Variants in GPR107 observed in about 807,000 individuals in gnomAD.
GPR107 encodes the protein protein GPR107.
A neutral mutation model predicts 75.5 loss-of-function variants in GPR107; 31 were observed. The observed-to-expected ratio is 0.41, with a 90% CI of 0.31 to 0.55. The LOEUF is 0.55. GPR107 is among the 20% of genes least tolerant of loss of function. The pLI is 0.26. For missense variants in GPR107, 572 were observed against 665.7 expected (o/e 0.86, Z 1.55); for synonymous variants, 267 against 251.3 (o/e 1.06, Z -0.59).
chr9:130,096,167 T>G (rs1830862902), intron 9 of GPR107, among the ~76,000 whole-genome samples: 1 of 152,224 alleles, frequency 6.6e-6, no homozygotes, highest in Admixed American at 6.5e-5. Context: ...AGAGTGTGAA[T>G]GAGCACAGCT....
rs530137195 is a variant in GPR107 at position 130,105,689 on chromosome 9, C to T, written c.1262+1139C>T. Among the ~76,000 whole-genome samples the T allele has an allele frequency of 7.2e-5, 11 of 152,086 alleles. No individual in the cohort carries two copies. The South Asian group carries it at 1.9e-3, about 26-fold the overall frequency. ...TTCTCATTCCAGCCAGTTAGATTCA[C>T]TCTTCACCCTCATTCCATCATACAT... On this transcript the variant is annotated intron_variant, in intron 13 of 17. Transcript: ENST00000347136.
At chr9:130,079,459 AT>A (rs887946668) in intron 4 of GPR107, among the ~76,000 whole-genome samples, 170 bp from the exon 5 acceptor site, 1 of 152,232 alleles carries the variant, frequency 6.6e-6, no homozygotes, top group Non-Finnish European at 1.5e-5. Context: ...TGGGCAAGTT[AT>A]TTAACGTTTC....
At chr9:130,119,061 A>G (rs1194160139) in intron 14 of GPR107, among the ~76,000 whole-genome samples, 1 of 152,202 alleles carries the variant, frequency 6.6e-6, no homozygotes. Context: ...CCAGCCCGCC[A>G]CAGTCCGGTG....
chr9:130,057,668 T>C (rs10115815), intron 1 of GPR107, among the ~76,000 whole-genome samples: 47,760 of 151,564 alleles, frequency 0.32, 7,716 homozygotes, highest in Non-Finnish European at 0.37. Context: ...CAATTTCTGG[T>C]TCTTATTTTT....
At chr9:130,075,924 G>T (rs1184506059) in intron 2 of GPR107, among the ~76,000 whole-genome samples, 175 bp downstream of exon 2, 2 of 151,946 alleles carry the variant, frequency 1.3e-5, no homozygotes, top group Non-Finnish European at 2.9e-5. Flanking sequence ...TGGGATTACA[G>T]GCACCCACCA....
chr9:130,082,980 G>A (rs962591382), intron 5 of GPR107, among the ~76,000 whole-genome samples: 4 of 152,088 alleles, frequency 2.6e-5, no homozygotes, highest in African/African-American at 9.7e-5. Flanking sequence ...GAGTGCAGTG[G>A]TATGATCTCA....
chr9:130,124,379 T>G (rs1279764989), intron 14 of GPR107, among the ~76,000 whole-genome samples: 1 of 152,142 alleles, frequency 6.6e-6, no homozygotes, highest in East Asian at 1.9e-4. Flanking sequence ...CCAGGGAGGT[T>G]GTACTGAAAG....
intron 14 of GPR107, among the ~76,000 whole-genome samples, chr9:130,111,253 G>A (rs953250695): frequency 3.9e-5 from 6 of 152,044 alleles, no homozygotes; most frequent in Non-Finnish European, 8.8e-5. Flanking sequence ...ATTGCTTGAG[G>A]CCAGGAGTTT....
chr9:130,082,788 C>G (rs545187072), intron 5 of GPR107, among the ~76,000 whole-genome samples: 47 of 151,280 alleles, frequency 3.1e-4, no homozygotes, highest in Non-Finnish European at 5.9e-4. Flanking sequence ...CCAAGAATAT[C>G]TTAAGTGAAA....
At position 130,128,659 on chromosome 9, in the gene GPR107, C is replaced by T. The variant is rs374443869; in HGVS notation, c.1460C>T (p.Thr487Ile). 5.0e-6 allele frequency: 8 copies of T among 1,611,526 alleles called. No homozygotes were observed. In the African/African-American group the frequency reaches 9.3e-5, roughly 19 times the overall value. Residue 487 changes from threonine (T) to isoleucine (I), a missense_variant, in exon 17 of 18, where the codon ACA becomes ATA. Thr to Ile is a moderately conservative substitution (Grantham distance 89). Transcript: ENST00000347136. ...WLYQLLDETA[T>I]LVFFVLTGYK... ...TTGCAGCTCCTGGATGAAACGGCCACACTGGTCTTCTTTGTTCTAACGGGG... is the reference window on the plus strand; with the variant it reads ...TTGCAGCTCCTGGATGAAACGGCCATACTGGTCTTCTTTGTTCTAACGGGG...
intron 9 of GPR107, among the ~76,000 whole-genome samples, chr9:130,098,760 C>T (rs909001310): frequency 6.6e-6 from 1 of 152,156 alleles, no homozygotes; most frequent in Non-Finnish European, 1.5e-5. Context: ...GTAATCCCAG[C>T]ACTTTGGGAG....
chr9:130,137,544 C>G lies in GPR107; in HGVS notation c.*2423C>G, dbSNP rs1465856108. 4 of 152,254 alleles carry G rather than the reference C, an allele frequency of 2.6e-5. No homozygotes were observed. The highest frequency in any genetic ancestry group is 9.6e-5 in the African/African-American group (4 of 41,470). The allele number at this position is 152,254 out of a possible 1,614,324, so 9.4% of individuals were successfully genotyped here. ...AAAGGCTTCAAGTCAGATTGATGAT[C>G]AAGAAAAGTCAAAACCCCAGCCCAA... On this transcript the variant is annotated 3_prime_UTR_variant, in exon 18 of 18. Transcript: ENST00000347136.
chr9:130,093,593 C>T (rs1830792813), intron 9 of GPR107, among the ~76,000 whole-genome samples: 1 of 152,120 alleles, frequency 6.6e-6, no homozygotes. Flanking sequence ...TTGTGATATC[C>T]TGTACACCCA....
At chr9:130,069,772 G>A (rs1830155692) in intron 1 of GPR107, among the ~76,000 whole-genome samples, 1 of 151,970 alleles carries the variant, frequency 6.6e-6, no homozygotes, top group Non-Finnish European at 1.5e-5. Context: ...TGAAAACTCT[G>A]CCTCCCGGGT....
chr9:130,130,487 T>A (rs1476102), intron 17 of GPR107, among the ~76,000 whole-genome samples: 148,268 of 152,326 alleles, frequency 0.97, 72,194 homozygotes, highest in East Asian at 1. Context: ...GCGAGGAACG[T>A]GTGTGGAAAT....
At chr9:130,099,584 G>T in intron 10 of GPR107, 52 bp downstream of exon 10, 1 of 988,780 alleles carries the variant, frequency 1.0e-6, no homozygotes, top group Non-Finnish European at 1.6e-6. Flanking sequence ...TAATGCCTGT[G>T]TGAGCAGGCA....
chr9:130,132,040 C>T (rs959147314), intron 17 of GPR107, among the ~76,000 whole-genome samples: 6 of 152,290 alleles, frequency 3.9e-5, no homozygotes, highest in South Asian at 4.1e-4. Flanking sequence ...TGCCACCATG[C>T]CCAGCTAATG....
intron 1 of GPR107, among the ~76,000 whole-genome samples, chr9:130,057,503 A>T (rs1446110275): frequency 1.2e-5 from 1 of 86,222 alleles, no homozygotes; most frequent in Non-Finnish European, 2.9e-5. Context: ...CTATTTCTTA[A>T]AAAAAAAAAA....
chr9:130,085,157 C>T (rs1020040179), intron 6 of GPR107, among the ~76,000 whole-genome samples: 3 of 152,152 alleles, frequency 2.0e-5, no homozygotes, highest in Non-Finnish European at 2.9e-5. Context: ...CTGAAAGTGA[C>T]GTGAAGGGTA....
Sources: allele counts gnomAD v4.1 joint callset (sites outside exome capture counted in the v4.1 genomes callset), GRCh38; gene constraint gnomAD v4.1.1; transcripts MANE v1.5; gene names NCBI Gene and HGNC (gene_info 2026-07-23, HGNC 2026-07-21).